Variants in ASMT observed in about 807,000 individuals in gnomAD.
ASMT encodes acetylserotonin N-methyltransferase.
ASMT carries 53 observed loss-of-function variants against 41.3 expected under a neutral mutation model. The ratio of observed to expected loss-of-function variants is 1.28; its 90% CI spans 1.03 to 1.61. The LOEUF is 1.61. Among genes scored for constraint, ASMT ranks in the 40% most tolerant of loss-of-function variants. ASMT has a pLI of 0.00. For missense variants in ASMT, 531 were observed against 441.3 expected (o/e 1.20, Z -1.82); for synonymous variants, 231 against 184.8 (o/e 1.25, Z -2.03).
Position 1,636,458 on chromosome X carries a change from C to T in ASMT, c.808C>T (p.Leu270Phe), listed in dbSNP as rs758486345. 2.5e-6 allele frequency: 4 copies of T among 1,613,940 alleles called. No homozygotes were observed. Among genetic ancestry groups the T allele is most frequent in the East Asian group, 2.2e-5 (1 of 44,876 alleles). ...TCCAGGGGATTTCTTCAAAGACCCT[C>T]TTCCGGAAGCTGATCTGTACATCCT... ...FQEGDFFKDP[L>F]PEADLYILAR... Residue 270 changes from leucine to phenylalanine, a missense_variant, in exon 8 of 9, where the codon CTT becomes TTT. Physicochemically the swap from Leu to Phe is conservative, Grantham distance 22. Transcript: ENST00000381241.
At chrX:1,630,518 G>T (rs1178890691) in intron 5 of ASMT, among the ~76,000 whole-genome samples, 2 of 151,926 alleles carry the variant, frequency 1.3e-5, no homozygotes, top group East Asian at 1.9e-4. Context: ...TGTTGGCCAG[G>T]CTGGTCTCGA....
intron 1 of ASMT, among the ~76,000 whole-genome samples, chrX:1,619,520 G>A (rs1174201403): frequency 3.4e-5 from 5 of 146,598 alleles, no homozygotes; most frequent in Non-Finnish European, 7.4e-5. Flanking sequence ...AAACCTGCAC[G>A]TTCTGCACAT....
chrX:1,630,917 A>T (rs28645209), intron 5 of ASMT, among the ~76,000 whole-genome samples: 42,501 of 138,258 alleles, frequency 0.31, 5,861 homozygotes, highest in East Asian at 0.4. Flanking sequence ...TTATTTATTT[A>T]TTTTTTTTTT....
At position 1,629,094 on chromosome X, in the gene ASMT, ATATG is replaced by A. The variant is rs1246769158; in HGVS notation, c.444-725_444-722del. The stretch of plus-strand genomic sequence containing the variant: ...TTCTTTCCTTTCTTTATATATATAT[ATATG>A]TGTGTATACATGTGTATGTGTATGT... On this transcript the variant is annotated intron_variant, in intron 4 of 8. Transcript: ENST00000381241. 1.0e-4 allele frequency among the ~76,000 whole-genome samples: 14 copies of A among 139,870 alleles called. No individual in the cohort carries two copies. In the East Asian group the frequency reaches 2.9e-3, roughly 29 times the overall value. The allele number at this position is 139,870 out of a possible 152,430, so 91.8% of individuals were successfully genotyped here.
At chrX:1,633,498 CAG>C (rs1236771327) in intron 7 of ASMT, among the ~76,000 whole-genome samples, 2 of 152,094 alleles carry the variant, frequency 1.3e-5, no homozygotes, top group African/African-American at 4.8e-5. Flanking sequence ...ATTATTGATA[CAG>C]AGTCTTGCTT....
intron 1 of ASMT, among the ~76,000 whole-genome samples, chrX:1,619,500 C>G (rs753371317): frequency 6.7e-6 from 1 of 148,636 alleles, no homozygotes; most frequent in East Asian, 2.0e-4. Context: ...CACATGTATA[C>G]CTGTGCAACA....
intron 1 of ASMT, among the ~76,000 whole-genome samples, chrX:1,618,325 G>A (rs1409621891): frequency 6.6e-5 from 10 of 152,010 alleles, no homozygotes; most frequent in Admixed American, 2.0e-4. Context: ...CACCACGCCC[G>A]GCTAATTTTT....
At chrX:1,616,329 A>C (rs1311224637) in intron 1 of ASMT, among the ~76,000 whole-genome samples, 1 of 151,450 alleles carries the variant, frequency 6.6e-6, no homozygotes, top group African/African-American at 2.4e-5. Context: ...CATCGTGCTC[A>C]GTGAAGGAAG....
intron 5 of ASMT, among the ~76,000 whole-genome samples, chrX:1,630,793 T>C (rs2149468461): frequency 6.6e-6 from 1 of 151,564 alleles, no homozygotes; most frequent in East Asian, 2.0e-4. Context: ...CCTGGGCTCA[T>C]GCAATCCTGC....
At chrX:1,629,373 T>G (rs1389733243) in intron 4 of ASMT, among the ~76,000 whole-genome samples, 1 of 152,060 alleles carries the variant, frequency 6.6e-6, no homozygotes, top group Non-Finnish European at 1.5e-5. Flanking sequence ...CCTGTCCGCC[T>G]CTGTGTCCAC....
chrX:1,617,192 G>T (rs1410111464), intron 1 of ASMT, among the ~76,000 whole-genome samples: 1 of 150,606 alleles, frequency 6.6e-6, no homozygotes, highest in African/African-American at 2.4e-5. Context: ...TAAACGGCAG[G>T]GCGCGGTGGC....
intron 2 of ASMT, 49 bp from the exon 3 acceptor site, chrX:1,624,220 G>A (rs756757646): frequency 1.2e-6 from 2 of 1,613,104 alleles, no homozygotes; most frequent in African/African-American, 1.3e-5. Flanking sequence ...CCGCCGGCAG[G>A]AACTCGGAAT....
At position 1,636,489 on chromosome X, in the gene ASMT, G is replaced by C. The variant is rs773930686; in HGVS notation, c.839G>C (p.Arg280Thr). 6.2e-7 allele frequency: 1 copy of C among 1,613,916 alleles called. No individual in the cohort carries two copies. Among genetic ancestry groups the C allele is most frequent in the Non-Finnish European group, 8.5e-7 (1 of 1,179,860 alleles). Residue 280 changes from arginine to threonine, a missense_variant, in exon 8 of 9, where the codon AGG (arginine) becomes ACG (threonine). Transcript: ENST00000381241. ...LPEADLYILA[R>T]VLHDWADGKC... Reference sequence around the variant, plus strand: ...GAAGCTGATCTGTACATCCTGGCCAGGGTCCTCCATGACTGGGCAGACGGA... The same window carrying C: ...GAAGCTGATCTGTACATCCTGGCCACGGTCCTCCATGACTGGGCAGACGGA...
chrX:1,616,167 T>G (rs745466875), intron 1 of ASMT, among the ~76,000 whole-genome samples: 16 of 150,306 alleles, frequency 1.1e-4, no homozygotes, highest in Admixed American at 5.3e-4. Context: ...TATCTGGGAT[T>G]ACAGGCACCC....
At chrX:1,635,725 G>T (rs112682439) in intron 7 of ASMT, among the ~76,000 whole-genome samples, 1 of 151,608 alleles carries the variant, frequency 6.6e-6, no homozygotes, top group Non-Finnish European at 1.5e-5. Context: ...AGCCGGGCGT[G>T]GTGGCGGGTG....
At chrX:1,625,741 T>C (rs1439759441) in intron 3 of ASMT, among the ~76,000 whole-genome samples, 1 of 150,838 alleles carries the variant, frequency 6.6e-6, no homozygotes, top group Non-Finnish European at 1.5e-5. Context: ...GATCACGAGG[T>C]CAGGAGATCG....
At chrX:1,634,668 T>C (rs1355659698) in intron 7 of ASMT, among the ~76,000 whole-genome samples, 3 of 146,944 alleles carry the variant, frequency 2.0e-5, no homozygotes, top group African/African-American at 7.5e-5. Flanking sequence ...CCCCCTTTTT[T>C]TTTCTTGTTT....
chrX:1,617,830 G>A (rs1490930796), intron 1 of ASMT, among the ~76,000 whole-genome samples: 1 of 151,966 alleles, frequency 6.6e-6, no homozygotes, highest in African/African-American at 2.4e-5. Context: ...GGTCAGGCTG[G>A]TCTCGAACTC....
chrX:1,623,058 C>G, intron 1 of ASMT, 81 bp from the exon 2 acceptor site: 1 of 1,425,470 alleles, frequency 7.0e-7, no homozygotes, highest in East Asian at 2.3e-5. Flanking sequence ...CCTCCCTAGC[C>G]TGCCATGGTA....
Sources: gnomAD v4.1 joint callset for allele counts (sites outside exome capture counted in the v4.1 genomes callset) on GRCh38, gnomAD v4.1.1 for gene constraint, MANE v1.5 for transcripts, NCBI Gene and HGNC (gene_info 2026-07-23, HGNC 2026-07-21) for gene names.